Variants in COBLL1 observed in about 807,000 individuals in gnomAD.
The protein encoded by COBLL1 is cordon-bleu protein-like 1.
A neutral mutation model predicts 94.8 loss-of-function variants in COBLL1; 50 were observed. The observed-to-expected ratio is 0.53, with a 90% confidence interval of 0.42 to 0.67. The LOEUF (loss-of-function observed/expected upper bound fraction) is 0.67, where lower values mean the gene tolerates loss of function less well. Ranked by LOEUF, COBLL1 falls within the 30% of genes least tolerant of loss-of-function variation. The probability of loss-of-function intolerance (pLI) is 0.00; values close to 1 mark genes in which losing one functional copy is unlikely to be tolerated. For synonymous variants in COBLL1, 448 were observed against 473.8 expected (o/e 0.95, Z 0.71); for missense variants, 1,362 against 1,348.7 (o/e 1.01, Z -0.15).
intron 1 of COBLL1, among the ~76,000 whole-genome samples, chr2:164,670,068 G>A (rs1240012079): frequency 6.6e-6 from 1 of 152,162 alleles, no homozygotes; most frequent in Non-Finnish European, 1.5e-5. Flanking sequence ...AACAGCAGCT[G>A]ACATGATTGA....
intron 3 of COBLL1, among the ~76,000 whole-genome samples, chr2:164,730,921 G>A (rs984283958): frequency 6.6e-6 from 1 of 152,092 alleles, no homozygotes; most frequent in East Asian, 1.9e-4. Context: ...ATCATCCAAA[G>A]GTTATGAATA....
At chr2:164,728,925 C>T (rs139272486) in intron 4 of COBLL1, among the ~76,000 whole-genome samples, 1,989 of 151,966 alleles carry the variant, frequency 0.013, 50 homozygotes, top group Admixed American at 0.053. Flanking sequence ...CAACATGAGA[C>T]CATACTAAGT....
chr2:164,679,448 G>T (rs1241504228), downstream of COBLL1, among the ~76,000 whole-genome samples: 1 of 152,048 alleles, frequency 6.6e-6, no homozygotes, highest in Non-Finnish European at 1.5e-5. Context: ...ACTTTTTGAA[G>T]ATTGTTCAAG....
At chr2:164,751,655 G>A (rs1488260829) in intron 2 of COBLL1, among the ~76,000 whole-genome samples, 2 of 151,998 alleles carry the variant, frequency 1.3e-5, no homozygotes, top group African/African-American at 2.4e-5. Flanking sequence ...TAGAACATGG[G>A]ACAATTACAA....
intron 1 of COBLL1, among the ~76,000 whole-genome samples, chr2:164,669,057 TC>T (rs971468342): frequency 6.6e-6 from 1 of 152,210 alleles, no homozygotes; most frequent in Non-Finnish European, 1.5e-5. Flanking sequence ...AACATAGTTT[TC>T]CCCCCAAAAG....
chr2:164,819,531 T>A (rs528241555), intron 2 of COBLL1, among the ~76,000 whole-genome samples: 52 of 151,858 alleles, frequency 3.4e-4, no homozygotes, highest in African/African-American at 3.6e-4. Flanking sequence ...TAAAAAAAAA[T>A]TTTTTTTAAT....
At chr2:164,744,880 A>G (rs188724091) in intron 2 of COBLL1, among the ~76,000 whole-genome samples, 18 of 152,352 alleles carry the variant, frequency 1.2e-4, no homozygotes, top group Non-Finnish European at 2.6e-4. Flanking sequence ...TTCTGAACTT[A>G]CATAGGCCAA....
chr2:164,763,547 T>G (rs561181849), intron 2 of COBLL1, among the ~76,000 whole-genome samples: 196 of 152,328 alleles, frequency 1.3e-3, no homozygotes, highest in Admixed American at 2.4e-3. Context: ...GCAGCATTTT[T>G]GAAAACAAAA....
rs1051007410 is a variant in COBLL1 at position 164,803,578 on chromosome 2, TAAATAAATA to T, written c.41+37569_41+37577del. ...AGACTCTGTCTCAAAAATAAATAAA[TAAATAAATA>T]AAATAAAATAAAATAAAATAAAAAG... On this transcript the variant is annotated intron_variant, in intron 2 of 13. Transcript: ENST00000652658. 6.3e-5 allele frequency among the ~76,000 whole-genome samples: 7 copies of T among 110,270 alleles called. No homozygotes were observed. In the South Asian group the frequency reaches 1.1e-3, roughly 18 times the overall value. 72.3% of individuals were successfully genotyped at this position (110,270 alleles called of 152,430 possible). A position where few individuals can be genotyped will look rare whatever the true frequency, so the allele number is the denominator to read the frequency against.
rs76952363 is a variant in COBLL1 at position 164,763,732 on chromosome 2, C to T, written c.42-19857G>A. 3.6e-3 allele frequency among the ~76,000 whole-genome samples: 540 copies of T among 151,620 alleles called. 2 individuals are homozygous for T. The highest frequency in any genetic ancestry group is 0.012 in the African/African-American group (502 of 41,286). ...TAAGTGCTTTTAGTATACTATCTTT[C>T]GATAAAAAGTAGATGGGGTTCTATA... is the stretch of plus-strand genomic sequence containing the variant. On this transcript the variant is annotated intron_variant, in intron 2 of 13. Transcript: ENST00000652658.
chr2:164,780,738 G>A (rs1010435361), intron 2 of COBLL1, among the ~76,000 whole-genome samples: 24 of 152,122 alleles, frequency 1.6e-4, no homozygotes, highest in African/African-American at 5.8e-4. Context: ...ACCAAATAAT[G>A]TTTGCCCTGG....
intron 7 of COBLL1, among the ~76,000 whole-genome samples, chr2:164,707,463 TCCTC>T (rs2105462973): frequency 6.6e-6 from 1 of 152,256 alleles, no homozygotes; most frequent in Admixed American, 6.5e-5. Flanking sequence ...TTCAATGAAC[TCCTC>T]CCTGACTCCC....
intron 9 of COBLL1, 105 bp downstream of exon 9, chr2:164,704,339 A>C: frequency 1.3e-6 from 1 of 796,474 alleles, no homozygotes. Flanking sequence ...AGGCCAAAGA[A>C]TCTGTATCTC....
At position 164,694,665 on chromosome 2, in the gene COBLL1, C is replaced by T; in HGVS notation, c.2727G>A (p.Leu909=). 1 of 1,613,748 alleles carries T rather than the reference C, an allele frequency of 6.2e-7. No individual in the cohort carries two copies. The highest frequency in any genetic ancestry group is 8.5e-7 in the Non-Finnish European group (1 of 1,179,928). The change falls in exon 12 of 14, where the codon CTG becomes CTA. Residue 909 remains leucine, a synonymous_variant. Transcript: ENST00000652658. ...LTNKEAERDM[L]PSPEQTLSPL... is the part of the protein sequence containing the mutation. ...GAGAAAGAGTCTGCTCCGGAGAAGGCAGCATATCCCTTTCTGCCTCTTTAT... is the reference window on the plus strand; with the variant it reads ...GAGAAAGAGTCTGCTCCGGAGAAGGTAGCATATCCCTTTCTGCCTCTTTAT...
chr2:164,701,146 G>A (rs766629789), intron 9 of COBLL1, among the ~76,000 whole-genome samples: 1 of 152,196 alleles, frequency 6.6e-6, no homozygotes, highest in Non-Finnish European at 1.5e-5. Flanking sequence ...AAAAGCACAT[G>A]AGATTTTTGT....
chr2:164,829,151 A>G (rs529280455), intron 2 of COBLL1, among the ~76,000 whole-genome samples: 1 of 152,342 alleles, frequency 6.6e-6, no homozygotes, highest in East Asian at 1.9e-4. Context: ...ATTTTGGATG[A>G]AATATTTTCC....
chr2:164,838,259 G>T (rs1683416413), intron 2 of COBLL1, among the ~76,000 whole-genome samples: 1 of 152,116 alleles, frequency 6.6e-6, no homozygotes, highest in Non-Finnish European at 1.5e-5. Context: ...ATGTGTGAAG[G>T]CACCAAACAA....
At position 164,699,486 on chromosome 2, in the gene COBLL1, C is replaced by T. The variant is rs754705134; in HGVS notation, c.1474G>A (p.Val492Ile). ...KSTDGQEPHS[V>I]VYDTSNGKKV... ...TTTCCATTGCTTGTATCATATACTA[C>T]ACTGTGTGGTTCTCTGGAAGATACG... The change falls in exon 11 of 14, where the codon GTA (valine) becomes ATA (isoleucine). Residue 492 changes from valine (V) to isoleucine (I), a missense_variant. By Grantham distance (29) the Val-to-Ile change is conservative. Coordinates refer to ENST00000652658, the MANE Select transcript of COBLL1 (RefSeq NM_001365672.2). The T allele has an allele frequency of 3.1e-6, 5 of 1,609,092 alleles. No homozygotes were observed. The highest frequency in any genetic ancestry group is 2.7e-5 in the African/African-American group (2 of 74,776).
chr2:164,744,970 C>T (rs1686791998), intron 2 of COBLL1, among the ~76,000 whole-genome samples: 1 of 151,968 alleles, frequency 6.6e-6, no homozygotes. Context: ...TTATTTAAAA[C>T]ACTGTGAATT....
Sources: allele counts gnomAD v4.1 joint callset (sites outside exome capture counted in the v4.1 genomes callset), GRCh38; gene constraint gnomAD v4.1.1; transcripts MANE v1.5; gene names NCBI Gene and HGNC (gene_info 2026-07-23, HGNC 2026-07-21).